The following RARB variants were observed in gnomAD, a reference collection of about 807,000 sequenced individuals.
The protein encoded by RARB is retinoic acid receptor beta, also known as HBV-activated protein.
In RARB, 17 loss-of-function variants were observed where a neutral mutation model predicts 51.9. The ratio of observed to expected loss-of-function variants is 0.33; its 90% CI spans 0.22 to 0.49. The LOEUF (loss-of-function observed/expected upper bound fraction) is 0.49, where lower values mean the gene tolerates loss of function less well. RARB is among the 20% of genes least tolerant of loss of function. The pLI is 0.99. For synonymous variants in RARB, 215 were observed against 195.4 expected (o/e 1.10, Z -0.84); for missense variants, 369 against 550.8 (o/e 0.67, Z 3.30).
chr3:25,463,445 A>G (rs1695281794), intron 2 of RARB, among the ~76,000 whole-genome samples: 2 of 152,100 alleles, frequency 1.3e-5, no homozygotes, highest in Admixed American at 1.3e-4. Context: ...CAGGCAGATC[A>G]CGAAGTCAAG....
chr3:25,573,285 G>A (rs917867464), intron 4 of RARB, among the ~76,000 whole-genome samples: 2 of 152,158 alleles, frequency 1.3e-5, no homozygotes, highest in Non-Finnish European at 2.9e-5. Context: ...TGGCCTAAGA[G>A]AGAGAGGCTT....
At chr3:25,342,619 A>G (rs544867782) in intron 5 of RARB, among the ~76,000 whole-genome samples, 17 of 152,332 alleles carry the variant, frequency 1.1e-4, no homozygotes, top group South Asian at 4.1e-4. Flanking sequence ...CAAACTGCCT[A>G]TGCCTGCACT....
chr3:25,338,866 C>G (rs989688302), intron 5 of RARB, among the ~76,000 whole-genome samples: 1 of 152,166 alleles, frequency 6.6e-6, no homozygotes, highest in South Asian at 2.1e-4. Context: ...CCACACCAGA[C>G]CTTCCCAAAA....
rs1330328407 is a variant in RARB, at chr3:25,543,623, TAAGC to T, written c.449-26129_449-26126del. On this transcript the variant is annotated intron_variant, in intron 3 of 7. Transcript: ENST00000330688. ...CATCTGTGGCCATTTGGGGAACTAT[TAAGC>T]AAGCAGCGCTGACCTAAGTGAGATG... 3.3e-5 allele frequency among the ~76,000 whole-genome samples: 5 copies of T among 152,114 alleles called. No individual in the cohort carries two copies. The East Asian group carries it at 9.7e-4, about 29-fold the overall frequency.
chr3:25,434,120 C>T (rs1349057891), intron 1 of RARB, among the ~76,000 whole-genome samples: 1 of 152,194 alleles, frequency 6.6e-6, no homozygotes, highest in African/African-American at 2.4e-5. Flanking sequence ...CCTGGCCAAG[C>T]ATTTCCTCTA....
intron 3 of RARB, among the ~76,000 whole-genome samples, chr3:25,129,818 A>C (rs1699917028): frequency 6.6e-6 from 1 of 152,110 alleles, no homozygotes; most frequent in African/African-American, 2.4e-5. Context: ...TTTTGGTATT[A>C]ACTATACACC....
chr3:24,992,941 T>G (rs1025807202), intron 2 of RARB, among the ~76,000 whole-genome samples: 3 of 152,232 alleles, frequency 2.0e-5, no homozygotes, highest in African/African-American at 7.2e-5. Flanking sequence ...TAAATTATTC[T>G]TTTTGTTAAA....
chr3:25,429,169 G>A (rs1253809411), intron 1 of RARB, among the ~76,000 whole-genome samples: 1 of 152,132 alleles, frequency 6.6e-6, no homozygotes, highest in African/African-American at 2.4e-5. Flanking sequence ...AAAAATGTGG[G>A]GGGTGGGGAG....
At chr3:25,529,926 C>T (rs896901011) in intron 3 of RARB, among the ~76,000 whole-genome samples, 2 of 152,128 alleles carry the variant, frequency 1.3e-5, no homozygotes, top group African/African-American at 2.4e-5. Flanking sequence ...CTCAGTGGCT[C>T]GCTATTTTCT....
intron 4 of RARB, among the ~76,000 whole-genome samples, chr3:25,132,511 C>T (rs564634971): frequency 2.0e-4 from 30 of 151,930 alleles, no homozygotes; most frequent in African/African-American, 6.5e-4. Context: ...ATATGCTAGG[C>T]ATTGTGCTAA....
intron 2 of RARB, among the ~76,000 whole-genome samples, chr3:25,472,567 T>C (rs1695749922): frequency 6.6e-6 from 1 of 152,198 alleles, no homozygotes; most frequent in Non-Finnish European, 1.5e-5. Context: ...TCCCCCTCCA[T>C]TTCACAGATG....
chr3:25,355,068 G>C (rs1310942435), intron 5 of RARB, among the ~76,000 whole-genome samples: 1 of 152,018 alleles, frequency 6.6e-6, no homozygotes, highest in African/African-American at 2.4e-5. Context: ...AGAGAATAAA[G>C]ATACTATTAC....
At chr3:25,544,918 T>C (rs1014527936) in intron 3 of RARB, among the ~76,000 whole-genome samples, 2 of 152,154 alleles carry the variant, frequency 1.3e-5, no homozygotes, top group African/African-American at 4.8e-5. Flanking sequence ...ATGTAAGAAA[T>C]CAGGGATTTT....
intron 3 of RARB, among the ~76,000 whole-genome samples, chr3:25,525,780 AG>A (rs1405854987): frequency 6.6e-6 from 1 of 152,156 alleles, no homozygotes; most frequent in Non-Finnish European, 1.5e-5. Flanking sequence ...ATGGAGGTAA[AG>A]GGGTCTATTT....
chr3:24,854,772 C>T (rs1702610911), intron 1 of RARB, among the ~76,000 whole-genome samples: 2 of 152,178 alleles, frequency 1.3e-5, no homozygotes, highest in African/African-American at 2.4e-5. Flanking sequence ...CCCACCCCAG[C>T]TGTACCAATA....
chr3:24,908,603 C>G (rs953297876), intron 2 of RARB, among the ~76,000 whole-genome samples: 1 of 145,534 alleles, frequency 6.9e-6, no homozygotes, highest in Non-Finnish European at 1.5e-5. Flanking sequence ...AAGTAAATGA[C>G]TAGATAAACA....
At chr3:25,543,329 CA>C (rs1699464156) in intron 3 of RARB, among the ~76,000 whole-genome samples, 1 of 152,088 alleles carries the variant, frequency 6.6e-6, no homozygotes, top group African/African-American at 2.4e-5. Context: ...TAGGAGTTGC[CA>C]GAAAGAATTT....
intron 1 of RARB, among the ~76,000 whole-genome samples, chr3:25,456,682 TAGAGAGAGAGAGAGAGAG>T (rs201238732): frequency 3.4e-5 from 3 of 88,394 alleles, no homozygotes; most frequent in Non-Finnish European, 6.4e-5. Flanking sequence ...TATATATATA[TAGAGAGAGAGAGAGAGAG>T]AGAGAGAGAG....
chr3:25,404,362 T>C (rs1707348141), intron 5 of RARB, among the ~76,000 whole-genome samples: 1 of 152,192 alleles, frequency 6.6e-6, no homozygotes, highest in Non-Finnish European at 1.5e-5. Context: ...CACTCCTTGG[T>C]AGAAAGTTGA....
Sources: allele counts gnomAD v4.1 joint callset (sites outside exome capture counted in the v4.1 genomes callset), GRCh38; gene constraint gnomAD v4.1.1; transcripts MANE v1.5; gene names NCBI Gene and HGNC (gene_info 2026-07-23, HGNC 2026-07-21).